Variants in TMEM132B observed in about 807,000 individuals in gnomAD.
The protein encoded by TMEM132B is transmembrane protein 132B.
TMEM132B carries 18 observed loss-of-function variants against 90.8 expected under a neutral mutation model. That is an observed-to-expected ratio of 0.20 (90% confidence interval 0.14 to 0.29). The LOEUF (loss-of-function observed/expected upper bound fraction) is 0.29. Ranked by LOEUF, TMEM132B falls within the 10% of genes least tolerant of loss-of-function variation. The pLI, the probability that TMEM132B is intolerant of heterozygous loss-of-function variation, is 1.00. For missense variants in TMEM132B, 1,096 were observed against 1,326.8 expected, an observed-to-expected ratio of 0.83 and a Z score of 2.70; for synonymous variants, 504 against 523.3, an observed-to-expected ratio of 0.96 and a Z score of 0.50.
chr12:125,520,270 C>T (rs552112249), intron 4 of TMEM132B, among the ~76,000 whole-genome samples: 10 of 152,264 alleles, frequency 6.6e-5, no homozygotes, highest in African/African-American at 1.4e-4. Context: ...AGAGATTCCA[C>T]GGAGACAGTA....
chr12:125,451,386 G>GGA (rs945984706), intron 3 of TMEM132B, among the ~76,000 whole-genome samples: 3 of 151,898 alleles, frequency 2.0e-5, no homozygotes, highest in African/African-American at 2.4e-5. Context: ...ATATATTGGG[G>GGA]GAGAGAGAGA....
chr12:125,314,106 T>C (rs141511320), intron 1 of TMEM132B, among the ~76,000 whole-genome samples: 9 of 152,300 alleles, frequency 5.9e-5, no homozygotes, highest in Non-Finnish European at 7.3e-5. Flanking sequence ...TGTATACCTG[T>C]GTGCAGAGAG....
chr12:125,208,816 A>C (rs1873247001), intron 1 of TMEM132B, among the ~76,000 whole-genome samples: 1 of 152,116 alleles, frequency 6.6e-6, no homozygotes, highest in African/African-American at 2.4e-5. Context: ...GGTTCCATGA[A>C]GCCCATTTCA....
intron 1 of TMEM132B, among the ~76,000 whole-genome samples, chr12:125,212,336 T>C (rs1449723385): frequency 6.6e-6 from 1 of 151,456 alleles, no homozygotes; most frequent in African/African-American, 2.4e-5. Context: ...TATTAATAAA[T>C]TAATTAATAT....
intron 3 of TMEM132B, among the ~76,000 whole-genome samples, chr12:125,474,527 A>T (rs76484900): frequency 0.098 from 14,865 of 152,102 alleles, 961 homozygotes; most frequent in East Asian, 0.2. Context: ...GGGCTCAGGT[A>T]ATCCTCCTGC....
intron 3 of TMEM132B, among the ~76,000 whole-genome samples, chr12:125,470,244 G>A (rs1041294578): frequency 3.3e-5 from 5 of 152,158 alleles, no homozygotes; most frequent in Admixed American, 6.5e-5. Context: ...GCTAAGCTAA[G>A]GCCCACTCTT....
intron 5 of TMEM132B, among the ~76,000 whole-genome samples, chr12:125,606,578 TTG>T (rs1885702080): frequency 6.6e-6 from 1 of 152,244 alleles, no homozygotes; most frequent in Non-Finnish European, 1.5e-5. Flanking sequence ...CATGCACACG[TTG>T]TGTGCTAGTG....
intron 5 of TMEM132B, among the ~76,000 whole-genome samples, chr12:125,612,122 C>A (rs1412915435): frequency 6.6e-6 from 1 of 151,966 alleles, no homozygotes; most frequent in Non-Finnish European, 1.5e-5. Context: ...GTTATTTCTT[C>A]CTAATATATT....
chr12:125,238,378 A>C (rs537103269), intron 1 of TMEM132B, among the ~76,000 whole-genome samples: 8 of 131,656 alleles, frequency 6.1e-5, no homozygotes, highest in East Asian at 6.0e-4. Context: ...AAAAAAAAAC[A>C]AAAAAAAACC....
intron 4 of TMEM132B, among the ~76,000 whole-genome samples, chr12:125,523,549 A>G (rs1883365897): frequency 1.3e-5 from 2 of 151,982 alleles, no homozygotes; most frequent in African/African-American, 4.8e-5. Flanking sequence ...CATGCCAAGT[A>G]ACATATTCAC....
chr12:125,553,862 G>A (rs2079308951), intron 4 of TMEM132B, among the ~76,000 whole-genome samples: 1 of 152,078 alleles, frequency 6.6e-6, no homozygotes, highest in Admixed American at 6.5e-5. Flanking sequence ...TTTAAGTACA[G>A]GTGTCCTTGG....
chr12:125,654,403 A>G lies in TMEM132B; in HGVS notation c.2945A>G (p.Gln982Arg), dbSNP rs1430350854. 6.2e-7 allele frequency: 1 copy of G among 1,613,370 alleles called. No individual in the cohort carries two copies. The highest frequency in any genetic ancestry group is 1.1e-5 in the South Asian group (1 of 91,038). Residue 982 changes from glutamine (Q) to arginine (R), a missense_variant, in exon 9 of 9, where the codon CAG (glutamine) becomes CGG (arginine). Gln to Arg is a conservative substitution (Grantham distance 43). Coordinates refer to ENST00000682704, the MANE Select transcript of TMEM132B (RefSeq NM_001366854.1). This position sits in a 1 kb window ranked among gnomAD's most constrained non-coding sequence, Gnocchi z 5.8. ...ECTTMIDRGL[Q>R]FEERNFLLNG... ...ACAACCATGATAGACAGGGGCCTGC[A>G]GTTCGAGGAGAGGAACTTCCTTCTG...
At chr12:125,523,700 T>A (rs1288536734) in intron 4 of TMEM132B, among the ~76,000 whole-genome samples, 2 of 152,200 alleles carry the variant, frequency 1.3e-5, no homozygotes, top group African/African-American at 4.8e-5. Flanking sequence ...TCTCGCATGA[T>A]CTGCTCTGTC....
intron 5 of TMEM132B, among the ~76,000 whole-genome samples, chr12:125,613,589 G>T (rs1885916271): frequency 6.6e-6 from 1 of 151,502 alleles, no homozygotes; most frequent in South Asian, 2.1e-4. Flanking sequence ...CTTAATAGTT[G>T]TTAAGAGGTT....
chr12:125,530,764 C>T (rs1396560818), intron 4 of TMEM132B, among the ~76,000 whole-genome samples: 1 of 152,202 alleles, frequency 6.6e-6, no homozygotes, highest in Non-Finnish European at 1.5e-5. Context: ...TCTCTGTGTC[C>T]TCCCCTTATA....
At chr12:125,412,227 G>A (rs1282501238) in intron 2 of TMEM132B, among the ~76,000 whole-genome samples, 2 of 152,180 alleles carry the variant, frequency 1.3e-5, no homozygotes, top group African/African-American at 2.4e-5. Context: ...CCCTGAGGAC[G>A]AGGGGACCTG....
At chr12:125,621,118 A>G (rs1229796782) in intron 5 of TMEM132B, among the ~76,000 whole-genome samples, 1 of 152,222 alleles carries the variant, frequency 6.6e-6, no homozygotes, top group Non-Finnish European at 1.5e-5. Flanking sequence ...CCAGAGACAC[A>G]TAGATAATTA....
intron 7 of TMEM132B, among the ~76,000 whole-genome samples, chr12:125,652,186 AAGATTCTTTC>A (rs1886939134): frequency 6.6e-6 from 1 of 152,256 alleles, no homozygotes; most frequent in African/African-American, 2.4e-5. Context: ...AAGTTAAATC[AAGATTCTTTC>A]AGAAAATATA....
At position 125,415,503 on chromosome 12, in the gene TMEM132B, A is replaced by G. The variant is rs1879983491; in HGVS notation, c.960-28A>G. Reference sequence around the variant, plus strand: ...TCAAACTAAAATGGTTTTATTATATATAATATCATTGTTTTCCCACCCCAC... The same window carrying G: ...TCAAACTAAAATGGTTTTATTATATGTAATATCATTGTTTTCCCACCCCAC... On this transcript the variant is annotated intron_variant, in intron 2 of 8. Coordinates refer to ENST00000682704, the MANE Select transcript of TMEM132B (RefSeq NM_001366854.1). The surrounding 1 kb of genome is among the most constrained non-coding windows in gnomAD (Gnocchi z 5.3). The G allele has an allele frequency of 6.2e-7, 1 of 1,612,896 alleles. No individual in the cohort carries two copies.
Sources: allele counts gnomAD v4.1 joint callset (sites outside exome capture counted in the v4.1 genomes callset), GRCh38; gene constraint gnomAD v4.1.1; non-coding constraint Gnocchi (gnomAD v3.1); transcripts MANE v1.5; gene names NCBI Gene and HGNC (gene_info 2026-07-23, HGNC 2026-07-21).